Variants in RORA observed in about 807,000 individuals in gnomAD.
RORA encodes RAR related orphan receptor A.
In RORA, 7 loss-of-function variants were observed where a neutral mutation model predicts 69.5. The observed-to-expected ratio is 0.10, with a 90% CI of 0.06 to 0.19. RORA has a LOEUF of 0.19. Ranked by LOEUF, RORA falls within the 10% of genes least tolerant of loss-of-function variation. The pLI is 1.00. For synonymous variants in RORA, 261 were observed against 240.8 expected, an observed-to-expected ratio of 1.08 and a Z score of -0.78; for missense variants, 457 against 663.0, an observed-to-expected ratio of 0.69 and a Z score of 3.41.
At chr15:60,650,131 A>T (rs2070118645) in intron 2 of RORA, among the ~76,000 whole-genome samples, 1 of 152,210 alleles carries the variant, frequency 6.6e-6, no homozygotes, top group Admixed American at 6.6e-5. Flanking sequence ...CACCAACTTC[A>T]GAATGTGAAC....
chr15:60,605,302 T>C (rs2068919483), intron 2 of RORA, among the ~76,000 whole-genome samples: 1 of 152,196 alleles, frequency 6.6e-6, no homozygotes. Context: ...AACAAGATTT[T>C]TTTTTCTTTC....
Position 60,491,648 on chromosome 15 carries a change from G to C in RORA, c.*5807C>G, listed in dbSNP as rs758283216. Reference sequence around the variant, plus strand: ...CCCATCTAGGATGGCTACTTGGTGTGAAGTCAGGCTTCTGGATTCTTTTAA... The same window carrying C: ...CCCATCTAGGATGGCTACTTGGTGTCAAGTCAGGCTTCTGGATTCTTTTAA... On this transcript the variant is annotated 3_prime_UTR_variant, in exon 11 of 11. Transcript: ENST00000335670. 8 of 151,344 alleles carry C rather than the reference G, an allele frequency of 5.3e-5. No homozygotes were observed. Among genetic ancestry groups the C allele is most frequent in the Non-Finnish European group, 1.2e-4 (8 of 67,902 alleles). The allele number at this position is 151,344 out of a possible 1,614,324, so 9.4% of individuals were successfully genotyped here. A position where few individuals can be genotyped will look rare whatever the true frequency, so the allele number is the denominator to read the frequency against.
chr15:61,037,202 C>T (rs1223423002), intron 1 of RORA, among the ~76,000 whole-genome samples: 1 of 152,132 alleles, frequency 6.6e-6, no homozygotes, highest in Non-Finnish European at 1.5e-5. Context: ...ATGTAAAGTA[C>T]TTAGTACTGT....
chr15:60,887,343 T>TG (rs1255837762), intron 1 of RORA, among the ~76,000 whole-genome samples: 3 of 152,144 alleles, frequency 2.0e-5, no homozygotes, highest in Non-Finnish European at 2.9e-5. Context: ...CATGCTGTCA[T>TG]GGGGGGTGCA....
At chr15:60,731,349 C>T (rs1042186260) in intron 1 of RORA, among the ~76,000 whole-genome samples, 17 of 152,288 alleles carry the variant, frequency 1.1e-4, no homozygotes, top group African/African-American at 4.1e-4. Context: ...GGATTAGCAA[C>T]CATTTAGTTT....
chr15:60,946,627 C>T (rs1204353753), intron 1 of RORA, among the ~76,000 whole-genome samples: 1 of 152,220 alleles, frequency 6.6e-6, no homozygotes, highest in African/African-American at 2.4e-5. Flanking sequence ...ACAACCTCCA[C>T]CTCCCAGCCG....
intron 2 of RORA, among the ~76,000 whole-genome samples, chr15:60,532,916 C>G (rs2066569937): frequency 6.6e-6 from 1 of 152,192 alleles, no homozygotes; most frequent in Non-Finnish European, 1.5e-5. Flanking sequence ...TATTTCATTT[C>G]TGTACAGCCC....
At position 60,493,691 on chromosome 15, in the gene RORA, G is replaced by T. The variant is rs1038299325; in HGVS notation, c.*3764C>A. 1.4e-5 allele frequency: 2 copies of T among 147,672 alleles called. No homozygotes were observed. The highest frequency in any genetic ancestry group is 2.2e-4 in the South Asian group (1 of 4,648). 9.1% of individuals were successfully genotyped at this position (147,672 alleles called of 1,614,324 possible). A position where few individuals can be genotyped will look rare whatever the true frequency, so the allele number is the denominator to read the frequency against. ...GAAAATTACATTACTTTCTTTCTTT[G>T]TTTCACATTACAAAATCTTTTTTTC... On this transcript the variant is annotated 3_prime_UTR_variant, in exon 11 of 11. Transcript: ENST00000335670.
chr15:60,548,695 T>C (rs1052323572), intron 2 of RORA, among the ~76,000 whole-genome samples: 7 of 152,188 alleles, frequency 4.6e-5, no homozygotes, highest in African/African-American at 1.7e-4. Flanking sequence ...TGGAGTGCAG[T>C]GGCGCGATCT....
At chr15:61,057,409 A>G (rs762227821) in intron 1 of RORA, among the ~76,000 whole-genome samples, 1 of 152,178 alleles carries the variant, frequency 6.6e-6, no homozygotes, top group Non-Finnish European at 1.5e-5. Flanking sequence ...TTCTGCCAGC[A>G]TTTCTGGGAA....
At chr15:60,880,163 C>T (rs2073663086) in intron 1 of RORA, among the ~76,000 whole-genome samples, 1 of 152,192 alleles carries the variant, frequency 6.6e-6, no homozygotes, top group East Asian at 1.9e-4. Flanking sequence ...TTTCCAGGAA[C>T]ATTTAAGGAT....
chr15:60,552,543 G>A (rs187075714), intron 2 of RORA, among the ~76,000 whole-genome samples: 77 of 152,224 alleles, frequency 5.1e-4, no homozygotes, highest in African/African-American at 1.6e-3. Context: ...CTGACACATA[G>A]CAGGTGCTCC....
chr15:60,642,708 A>C (rs539811434), intron 2 of RORA, among the ~76,000 whole-genome samples: 7 of 152,158 alleles, frequency 4.6e-5, no homozygotes, highest in Middle Eastern at 3.4e-3. Flanking sequence ...CTAGGCAACA[A>C]AAAATTTACA....
intron 1 of RORA, among the ~76,000 whole-genome samples, chr15:60,738,717 A>G (rs921154014): frequency 1.3e-5 from 2 of 152,192 alleles, no homozygotes; most frequent in South Asian, 2.1e-4. Flanking sequence ...GTTTCCTACG[A>G]CTGCTGGAAC....
At chr15:60,991,918 A>AAATAG (rs1359877502) in intron 1 of RORA, among the ~76,000 whole-genome samples, 1 of 151,956 alleles carries the variant, frequency 6.6e-6, no homozygotes, top group African/African-American at 2.4e-5. Context: ...AAATAAAATA[A>AAATAG]AATAAAATAA....
chr15:61,229,015 C>A, intron 1 of RORA, 38 bp downstream of exon 1: 1 of 1,240,326 alleles, frequency 8.1e-7, no homozygotes, highest in South Asian at 2.4e-5. Flanking sequence ...CGCCCGGGCT[C>A]CCGCCGCCCC....
rs151193895 is a variant in RORA at position 60,851,974 on chromosome 15, T to A, written c.167-173288A>T. Among the ~76,000 whole-genome samples the A allele has an allele frequency of 9.9e-5, 15 of 152,256 alleles. No individual in the cohort carries two copies. The East Asian group carries it at 2.9e-3, about 29-fold the overall frequency. Reference sequence around the variant, plus strand: ...CATGTTCCCCATCAAGTCTCCAAGGTATCCATGTGTGCCCACATTGTAAAG... The same window carrying A: ...CATGTTCCCCATCAAGTCTCCAAGGAATCCATGTGTGCCCACATTGTAAAG... On this transcript the variant is annotated intron_variant, in intron 1 of 10. Transcript: ENST00000335670.
At chr15:60,723,896 T>C (rs1595661105) in intron 1 of RORA, among the ~76,000 whole-genome samples, 2 of 152,340 alleles carry the variant, frequency 1.3e-5, no homozygotes, top group Middle Eastern at 6.8e-3. Flanking sequence ...GTTTCTTCAG[T>C]GCACCAGAGA....
intron 1 of RORA, among the ~76,000 whole-genome samples, chr15:61,184,970 G>A (rs150428827): frequency 9.3e-4 from 115 of 123,114 alleles, no homozygotes; most frequent in African/African-American, 3.4e-3. Context: ...GGGCAAAGGA[G>A]CGAGACCCTG....
Sources: allele counts gnomAD v4.1 joint callset (sites outside exome capture counted in the v4.1 genomes callset), GRCh38; gene constraint gnomAD v4.1.1; transcripts MANE v1.5; gene names NCBI Gene and HGNC (gene_info 2026-07-23, HGNC 2026-07-21).